The following MTHFD1L variants were observed in gnomAD, a reference collection of about 807,000 sequenced individuals.
MTHFD1L encodes the protein methylenetetrahydrofolate dehydrogenase (NADP+ dependent) 1 like, also known as monofunctional C1-tetrahydrofolate synthase, mitochondrial.
A neutral mutation model predicts 119.5 loss-of-function variants in MTHFD1L; 81 were observed. That is an observed-to-expected ratio of 0.68 (90% CI 0.57 to 0.82). The LOEUF (loss-of-function observed/expected upper bound fraction) is 0.82. Among genes scored for constraint, MTHFD1L ranks in the 40% least tolerant of loss-of-function variants. MTHFD1L has a pLI of 0.00. For missense variants in MTHFD1L, 1,125 were observed against 1,253.4 expected, an observed-to-expected ratio of 0.90 and a Z score of 1.55; for synonymous variants, 430 against 475.2, an observed-to-expected ratio of 0.90 and a Z score of 1.24.
chr6:150,915,971 T>C (rs1212051398), intron 8 of MTHFD1L, among the ~76,000 whole-genome samples: 1 of 152,170 alleles, frequency 6.6e-6, no homozygotes, highest in Non-Finnish European at 1.5e-5. Flanking sequence ...GACACGATCT[T>C]AAGTACAGAT....
chr6:150,994,071 A>AGG (rs1330066435), intron 20 of MTHFD1L, among the ~76,000 whole-genome samples: 1 of 141,662 alleles, frequency 7.1e-6, no homozygotes, highest in African/African-American at 3.1e-5. Flanking sequence ...CAGTAAAAAA[A>AGG]AAAAAAAAAG....
chr6:150,958,847 T>C (rs1251466314), intron 17 of MTHFD1L, among the ~76,000 whole-genome samples: 1 of 152,264 alleles, frequency 6.6e-6, no homozygotes, highest in Non-Finnish European at 1.5e-5. Flanking sequence ...GATACTTTAA[T>C]TGACCCAGTG....
intron 1 of MTHFD1L, 138 bp downstream of exon 1, chr6:150,866,187 G>T: frequency 7.4e-7 from 1 of 1,359,302 alleles, no homozygotes; most frequent in Non-Finnish European, 9.6e-7. Context: ...GGGGCCGGGC[G>T]GTGTGTCGGG....
chr6:151,017,063 C>T (rs939531900), intron 24 of MTHFD1L, among the ~76,000 whole-genome samples: 7 of 152,026 alleles, frequency 4.6e-5, no homozygotes, highest in Admixed American at 2.0e-4. Context: ...GCGTGAGCCA[C>T]CACACCTGGC....
intron 24 of MTHFD1L, among the ~76,000 whole-genome samples, chr6:151,017,823 G>GT (rs1783341204): frequency 7.2e-6 from 1 of 139,038 alleles, no homozygotes; most frequent in African/African-American, 3.0e-5. Flanking sequence ...CTTCAAGACC[G>GT]TGTTTTCTTT....
intron 19 of MTHFD1L, among the ~76,000 whole-genome samples, chr6:150,970,984 C>G (rs186286889): frequency 6.6e-6 from 1 of 152,292 alleles, no homozygotes. Context: ...AAGTTGGCTG[C>G]TTCGTGCTCT....
At chr6:150,997,830 G>T (rs1032604497) in intron 20 of MTHFD1L, among the ~76,000 whole-genome samples, 3 of 152,180 alleles carry the variant, frequency 2.0e-5, no homozygotes, top group African/African-American at 7.2e-5. Context: ...ATTGTTTCAT[G>T]GGAGCTGCCT....
chr6:150,925,838 A>G (rs1251608372), intron 10 of MTHFD1L, among the ~76,000 whole-genome samples: 1 of 152,188 alleles, frequency 6.6e-6, no homozygotes, highest in African/African-American at 2.4e-5. Flanking sequence ...TTTTGGACAC[A>G]TTATAATATG....
chr6:150,913,516 G>A (rs1389176178), intron 8 of MTHFD1L, among the ~76,000 whole-genome samples: 1 of 152,040 alleles, frequency 6.6e-6, no homozygotes, highest in African/African-American at 2.4e-5. Context: ...AGGTTGCTCA[G>A]GCTGCTCTCG....
chr6:151,063,806 C>G (rs989081164), intron 26 of MTHFD1L, among the ~76,000 whole-genome samples: 7 of 151,486 alleles, frequency 4.6e-5, no homozygotes, highest in Non-Finnish European at 1.0e-4. Context: ...AGTAACTGGC[C>G]TCATGTTGGA....
chr6:150,884,383 G>T (rs1781875633), intron 5 of MTHFD1L, among the ~76,000 whole-genome samples: 1 of 151,822 alleles, frequency 6.6e-6, no homozygotes, highest in Non-Finnish European at 1.5e-5. Flanking sequence ...CTCGTGACCC[G>T]CCTGCCTCGG....
intron 26 of MTHFD1L, among the ~76,000 whole-genome samples, chr6:151,072,257 A>G (rs901967104): frequency 2.6e-5 from 4 of 152,152 alleles, no homozygotes; most frequent in Admixed American, 6.5e-5. Flanking sequence ...TTAGAAAGCA[A>G]TTTCATTTTA....
intron 26 of MTHFD1L, among the ~76,000 whole-genome samples, chr6:151,064,726 G>C (rs1333278209): frequency 6.6e-6 from 1 of 151,828 alleles, no homozygotes; most frequent in African/African-American, 2.4e-5. Context: ...CCAACTCATA[G>C]CTCATAACTT....
Position 150,876,191 on chromosome 6 carries a change from G to A in MTHFD1L, c.312+17G>A, listed in dbSNP as rs757501136. The stretch of plus-strand genomic sequence containing the variant: ...ATTATCCAGGTAAGCCGAGAACAAG[G>A]TTCAGTCCTACTATTTTAGGATGCC... On this transcript the variant is annotated intron_variant, in intron 2 of 27. Coordinates refer to ENST00000367321, the MANE Select transcript of MTHFD1L (RefSeq NM_015440.5). 4 of 1,539,878 alleles carry A rather than the reference G, an allele frequency of 2.6e-6. No homozygotes were observed. Among genetic ancestry groups the A allele is most frequent in the Non-Finnish European group, 3.5e-6 (4 of 1,139,706 alleles).
chr6:151,055,808 G>C (rs1353123590), intron 26 of MTHFD1L: 1 of 152,218 alleles, frequency 6.6e-6, no homozygotes, highest in Non-Finnish European at 1.5e-5. Context: ...TTACAGGCGA[G>C]AGCCACCGCA....
intron 26 of MTHFD1L, among the ~76,000 whole-genome samples, chr6:151,062,450 T>C (rs4629694): frequency 0.037 from 5,689 of 152,134 alleles, 172 homozygotes; most frequent in Admixed American, 0.1. Flanking sequence ...AAAGACCTTT[T>C]GCTCCTCTTT....
chr6:150,935,092 C>T, intron 11 of MTHFD1L: 2 of 1,613,850 alleles, frequency 1.2e-6, no homozygotes, highest in Non-Finnish European at 1.7e-6. Flanking sequence ...GGCTGCAGTT[C>T]AATGAATTTG....
At position 150,905,621 on chromosome 6, in the gene MTHFD1L, T is replaced by G. The variant is rs773900295; in HGVS notation, c.781-29T>G. 3 of 1,523,890 alleles carry G rather than the reference T, an allele frequency of 2.0e-6. No individual in the cohort carries two copies. The South Asian group carries it at 3.4e-5, about 17-fold the overall frequency. 94.4% of individuals were successfully genotyped at this position (1,523,890 alleles called of 1,614,324 possible). ...TGTGTCTTTATGCCTCAGATCAAGA[T>G]GTGCGTGTTTTTTTCTTTCTCCTTT... On this transcript the variant is annotated intron_variant, in intron 7 of 27. Transcript: ENST00000367321.
intron 7 of MTHFD1L, among the ~76,000 whole-genome samples, chr6:150,898,163 G>T (rs1784548776): frequency 6.6e-6 from 1 of 152,252 alleles, no homozygotes; most frequent in African/African-American, 2.4e-5. Flanking sequence ...ATCTTTTAAT[G>T]GGAACGTCTT....
Sources: allele counts gnomAD v4.1 joint callset (sites outside exome capture counted in the v4.1 genomes callset), GRCh38; gene constraint gnomAD v4.1.1; transcripts MANE v1.5; gene names NCBI Gene and HGNC (gene_info 2026-07-23, HGNC 2026-07-21).